The following ANKS1A variants were observed in gnomAD, a reference collection of about 807,000 sequenced individuals.
The protein encoded by ANKS1A is ankyrin repeat and SAM domain-containing protein 1A.
In ANKS1A, 55 loss-of-function variants were observed where a neutral mutation model predicts 120.3. The observed-to-expected ratio is 0.46, with a 90% CI of 0.37 to 0.57. ANKS1A has a LOEUF of 0.57. Among genes scored for constraint, ANKS1A ranks in the 20% least tolerant of loss-of-function variants. The probability of loss-of-function intolerance (pLI) is 0.00; values close to 1 mark genes in which losing one functional copy is unlikely to be tolerated. For synonymous variants in ANKS1A, 590 were observed against 604.7 expected (o/e 0.98, Z 0.36); for missense variants, 1,123 against 1,480.3 (o/e 0.76, Z 3.96).
chr6:34,994,194 C>T (rs2127538526), intron 9 of ANKS1A, 108 bp from the exon 10 acceptor site: 1 of 1,402,028 alleles, frequency 7.1e-7, no homozygotes, highest in East Asian at 2.5e-5. Flanking sequence ...CTCTTTTCCA[C>T]CTTTCTTCTT....
rs2820241 is a variant in ANKS1A, at chr6:35,086,278, G to A, written c.3303+342G>A. The A allele has an allele frequency of 0.015, 20,497 of 1,330,804 alleles. 203 individuals carry two copies. Among genetic ancestry groups the A allele is most frequent in the Middle Eastern group, 0.027 (131 of 4,940 alleles). 82.4% of individuals were successfully genotyped at this position (1,330,804 alleles called of 1,614,324 possible). The stretch of plus-strand genomic sequence containing the variant: ...TTTGCTCTGCACCCCAGGTGCCGCT[G>A]CCCCCCGATAGTCGCTGTTGTTACT... On this transcript the variant is annotated intron_variant, in intron 22 of 23. Transcript: ENST00000360359. This position sits in a 1 kb window ranked among gnomAD's most constrained non-coding sequence, Gnocchi z 5.1.
intron 1 of ANKS1A, among the ~76,000 whole-genome samples, chr6:34,915,501 C>T (rs753862592): frequency 6.6e-5 from 10 of 152,008 alleles, no homozygotes; most frequent in African/African-American, 1.2e-4. Flanking sequence ...TGAGTACCAC[C>T]GCACTCGACT....
intron 10 of ANKS1A, among the ~76,000 whole-genome samples, chr6:35,016,093 A>T (rs536349136): frequency 6.6e-6 from 1 of 152,228 alleles, no homozygotes; most frequent in Non-Finnish European, 1.5e-5. Flanking sequence ...ATTTTTAAGT[A>T]TCATGCAGCC....
At chr6:35,092,519 T>C (rs992043627), downstream of ANKS1A, among the ~76,000 whole-genome samples, 3 of 152,124 alleles carry the variant, frequency 2.0e-5, no homozygotes, top group African/African-American at 7.2e-5. Flanking sequence ...CTGCGTTGAG[T>C]TGGGAAAGTC....
chr6:35,091,702 C>T (rs1392258952), downstream of ANKS1A, among the ~76,000 whole-genome samples: 1 of 152,226 alleles, frequency 6.6e-6, no homozygotes, highest in Non-Finnish European at 1.5e-5. Flanking sequence ...GGCATCTCTT[C>T]TGCCTCTTGG....
At chr6:35,056,151 T>C (rs1488642536) in intron 12 of ANKS1A, among the ~76,000 whole-genome samples, 14 of 152,198 alleles carry the variant, frequency 9.2e-5, no homozygotes, top group Admixed American at 9.2e-4. Context: ...CATTGCCTCT[T>C]GGATTTGATA....
intron 10 of ANKS1A, among the ~76,000 whole-genome samples, chr6:35,008,686 A>T (rs1316401294): frequency 6.6e-6 from 1 of 152,098 alleles, no homozygotes; most frequent in Non-Finnish European, 1.5e-5. Flanking sequence ...ATTGACAGCC[A>T]TTTATATACA....
In ANKS1A at chr6:35,082,717, C is replaced by T; in HGVS notation, c.2736C>T (p.Thr912=). The change falls in exon 18 of 24, where the codon ACC becomes ACT. Residue 912 remains threonine (T), a synonymous_variant. Transcript: ENST00000360359. This position sits in a 1 kb window ranked among gnomAD's most constrained non-coding sequence, Gnocchi z 4.1. ...IQEEHREAKL[T]LRPPSLAAPY... is the part of the protein sequence containing the mutation. ...AGGAGCACCGTGAGGCCAAGCTGAC[C>T]CTGCGGCCCCCGAGCCTGGCAGCCC... The T allele has an allele frequency of 6.2e-7, 1 of 1,612,692 alleles. No homozygotes were observed. Among genetic ancestry groups the T allele is most frequent in the Non-Finnish European group, 8.5e-7 (1 of 1,179,344 alleles).
intron 1 of ANKS1A, among the ~76,000 whole-genome samples, chr6:34,899,220 T>C (rs1767233286): frequency 6.6e-6 from 1 of 152,238 alleles, no homozygotes; most frequent in Admixed American, 6.5e-5. Flanking sequence ...GAAAGTAACC[T>C]TTGTGCAAGC....
intron 1 of ANKS1A, among the ~76,000 whole-genome samples, chr6:34,928,388 G>A (rs1277921640): frequency 2.0e-5 from 3 of 152,170 alleles, no homozygotes; most frequent in East Asian, 1.9e-4. Context: ...ACGGAAGGCT[G>A]TAATTTTAGG....
intron 1 of ANKS1A, among the ~76,000 whole-genome samples, chr6:34,929,672 A>T (rs1768880931): frequency 1.3e-5 from 2 of 152,182 alleles, no homozygotes; most frequent in Non-Finnish European, 2.9e-5. Context: ...CTTTTAAATT[A>T]TGAAGATTCA....
intron 10 of ANKS1A, among the ~76,000 whole-genome samples, chr6:35,004,691 GCTTACT>G (rs1773359943): frequency 6.6e-6 from 1 of 151,690 alleles, no homozygotes; most frequent in Admixed American, 6.6e-5. Flanking sequence ...GCCAAGGAAG[GCTTACT>G]TGAAGCCAGG....
intron 11 of ANKS1A, among the ~76,000 whole-genome samples, chr6:35,053,861 G>A (rs781161656): frequency 1.3e-5 from 2 of 152,226 alleles, no homozygotes; most frequent in Non-Finnish European, 2.9e-5. Flanking sequence ...TAGCAGCTAA[G>A]CCCAGACTGT....
chr6:35,090,328 C>T lies in ANKS1A; in HGVS notation c.*1719C>T, dbSNP rs1778232822. 6 of 1,285,348 alleles carry T rather than the reference C, an allele frequency of 4.7e-6. No homozygotes were observed. Among genetic ancestry groups the T allele is most frequent in the African/African-American group, 4.6e-5 (3 of 65,764 alleles). 79.6% of individuals were successfully genotyped at this position (1,285,348 alleles called of 1,614,324 possible). ...CCTAAAGCATCCAGAGTAGACTGCG[C>T]TGCCACTGCGCACATGCTGGTGCCC... is the stretch of plus-strand genomic sequence containing the variant. On this transcript the variant is annotated 3_prime_UTR_variant, in exon 24 of 24. Coordinates refer to ENST00000360359, the MANE Select transcript of ANKS1A (RefSeq NM_015245.3).
Position 34,985,149 on chromosome 6 carries a change from C to T in ANKS1A, c.1080C>T (p.Pro360=), listed in dbSNP as rs1259299908. 6.2e-7 allele frequency: 1 copy of T among 1,614,182 alleles called. No individual in the cohort carries two copies. The highest frequency in any genetic ancestry group is 8.5e-7 in the Non-Finnish European group (1 of 1,180,034). The part of the protein sequence containing the change: ...DFDANAEEEG[P]YEALYNAISC... ...ATGCAAATGCTGAAGAAGAGGGTCC[C>T]TACGAAGCTCTGTATAATGCCATCT... Residue 360 remains proline (P), a synonymous_variant, in exon 8 of 24, where the codon CCC becomes CCT. Coordinates refer to ENST00000360359, the MANE Select transcript of ANKS1A (RefSeq NM_015245.3).
At chr6:34,985,852 A>G (rs374856934) in intron 8 of ANKS1A, among the ~76,000 whole-genome samples, 137 of 152,324 alleles carry the variant, frequency 9.0e-4, no homozygotes, top group Non-Finnish European at 8.7e-4. Context: ...AGAGGATGAG[A>G]ACAACTCTGA....
chr6:35,063,202 A>T (rs1423035454), intron 13 of ANKS1A, among the ~76,000 whole-genome samples: 1 of 152,206 alleles, frequency 6.6e-6, no homozygotes, highest in African/African-American at 2.4e-5. Context: ...CGTGGCTCAC[A>T]CATCTGCCAG....
chr6:35,040,898 A>G (rs1281228875), intron 11 of ANKS1A, among the ~76,000 whole-genome samples: 1 of 152,126 alleles, frequency 6.6e-6, no homozygotes, highest in South Asian at 2.1e-4. Flanking sequence ...GTCTGCCTCC[A>G]CTGTGTCTTC....
At chr6:35,039,608 G>A (rs991526557) in intron 11 of ANKS1A, 1 of 456,690 alleles carries the variant, frequency 2.2e-6, no homozygotes, top group Non-Finnish European at 4.4e-6. Flanking sequence ...CCAAATTAAG[G>A]GGCTACTGCC....
Sources: gnomAD v4.1 joint callset for allele counts (sites outside exome capture counted in the v4.1 genomes callset) on GRCh38, gnomAD v4.1.1 for gene constraint, Gnocchi (gnomAD v3.1) non-coding constraint, MANE v1.5 for transcripts, NCBI Gene and HGNC (gene_info 2026-07-23, HGNC 2026-07-21) for gene names.